The following APLP2 variants were observed in gnomAD, a reference collection of about 807,000 sequenced individuals.
APLP2 encodes the protein CDEI box-binding protein.
Under a neutral mutation model 89.9 loss-of-function variants are expected in APLP2, and 53 were observed. That is an observed-to-expected ratio of 0.59 (90% CI 0.47 to 0.74). The LOEUF (loss-of-function observed/expected upper bound fraction) is 0.74, where lower values mean the gene tolerates loss of function less well. APLP2 is among the 30% of genes least tolerant of loss of function. APLP2 has a pLI of 0.00. For synonymous variants in APLP2, 372 were observed against 348.6 expected (o/e 1.07, Z -0.75); for missense variants, 973 against 975.9 (o/e 1.00, Z 0.04).
In APLP2 at chr11:130,109,509, T is replaced by C. The variant is rs968498342; in HGVS notation, c.186T>C (p.His62=). The C allele has an allele frequency of 4.2e-5, 67 of 1,613,876 alleles. No homozygotes were observed. The highest frequency in any genetic ancestry group is 5.1e-5 in the Non-Finnish European group (60 of 1,179,922). The change falls in exon 2 of 17, where the codon CAT becomes CAC. Residue 62 remains histidine, a synonymous_variant. Coordinates refer to ENST00000338167, the MANE Select transcript of APLP2 (RefSeq NM_001142276.2). ...IAMFCGKLNM[H]VNIQTGKWEP... ...TGTTTTGTGGGAAGTTAAATATGCA[T>C]GTGAACATTCAGACTGGGAAATGGG...
intron 4 of APLP2, 67 bp downstream of exon 4, chr11:130,120,885 C>A: frequency 9.5e-7 from 1 of 1,055,946 alleles, no homozygotes; most frequent in Non-Finnish European, 1.5e-6. Flanking sequence ...CACTTTTCTC[C>A]AAATCTCACC....
At chr11:130,113,198 A>G (rs1948793671) in intron 3 of APLP2, among the ~76,000 whole-genome samples, 1 of 152,222 alleles carries the variant, frequency 6.6e-6, no homozygotes. Flanking sequence ...TGCCTAGAAT[A>G]TCGGATATAC....
At position 130,101,128 on chromosome 11, in the gene APLP2, T is replaced by C. The variant is rs73041259; in HGVS notation, c.106-8301T>C. Among the ~76,000 whole-genome samples, 472 of 142,002 alleles carry C rather than the reference T, an allele frequency of 3.3e-3. 2 individuals are homozygous for C. The highest frequency in any genetic ancestry group is 6.9e-3 in the Admixed American group (102 of 14,886). 93.2% of individuals were successfully genotyped at this position (142,002 alleles called of 152,430 possible). A position where few individuals can be genotyped will look rare whatever the true frequency, so the allele number is the denominator to read the frequency against. On this transcript the variant is annotated intron_variant, in intron 1 of 16. Coordinates refer to ENST00000338167, the MANE Select transcript of APLP2 (RefSeq NM_001142276.2). ...AATTGCAGAAAAATAGAATTTAATA[T>C]GTGTACAATGGGGCTTTACTGTATT...
intron 3 of APLP2, among the ~76,000 whole-genome samples, chr11:130,116,316 C>T (rs1482818581): frequency 6.6e-6 from 1 of 152,134 alleles, no homozygotes; most frequent in Non-Finnish European, 1.5e-5. Flanking sequence ...TAAATATACA[C>T]ATAAGCCATA....
At chr11:130,070,262 T>G (rs1187077229) in intron 1 of APLP2, among the ~76,000 whole-genome samples, 180 bp downstream of exon 1, 1 of 150,830 alleles carries the variant, frequency 6.6e-6, no homozygotes, top group East Asian at 2.0e-4. Context: ...TGCTTAGCGC[T>G]GGAGGTCGGG....
intron 1 of APLP2, among the ~76,000 whole-genome samples, chr11:130,107,393 C>A (rs1304122850): frequency 6.6e-6 from 1 of 151,866 alleles, no homozygotes; most frequent in Non-Finnish European, 1.5e-5. Context: ...AATCAATGTG[C>A]AAAAATCACA....
chr11:130,135,662 A>C lies in APLP2; in HGVS notation c.1784A>C (p.Glu595Ala), dbSNP rs894995523. The C allele has an allele frequency of 6.2e-7, 1 of 1,614,174 alleles. No homozygotes were observed. The highest frequency in any genetic ancestry group is 1.1e-5 in the South Asian group (1 of 91,082). Residue 595 changes from glutamate to alanine, a missense_variant, in exon 13 of 17, where the codon GAG becomes GCG. Physicochemically the swap from Glu to Ala is moderately radical, Grantham distance 107. Transcript: ENST00000338167. ...CGGGTGAGCTCTGAGGAGAGTGAGG[A>C]GATCCCACCGTTCCACCCCTTCCAC... Reference protein sequence around the residue: ...DVRVSSEESEEIPPFHPFHPF... With the variant: ...DVRVSSEESEAIPPFHPFHPF...
In APLP2 at chr11:130,121,743, G is replaced by C; in HGVS notation, c.646G>C (p.Glu216Gln). 6.2e-7 allele frequency: 1 copy of C among 1,610,488 alleles called. No homozygotes were observed. The highest frequency in any genetic ancestry group is 8.5e-7 in the Non-Finnish European group (1 of 1,179,132). Residue 216 changes from glutamate to glutamine, a missense_variant, in exon 5 of 17, where the codon GAG (glutamate) becomes CAG (glutamine). Coordinates refer to ENST00000338167, the MANE Select transcript of APLP2 (RefSeq NM_001142276.2). ...GATTATTGGATCTGTGTCAAAAGAAGAGGAAGAGGAAGATGAAGAGGAAGA... is the reference window on the plus strand; with the variant it reads ...GATTATTGGATCTGTGTCAAAAGAACAGGAAGAGGAAGATGAAGAGGAAGA... Reference protein sequence around the residue: ...TKIIGSVSKEEEEEDEEEEEE... With the variant: ...TKIIGSVSKEQEEEDEEEEEE...
At chr11:130,114,069 G>GT (rs1373705337) in intron 3 of APLP2, among the ~76,000 whole-genome samples, 1 of 152,024 alleles carries the variant, frequency 6.6e-6, no homozygotes, top group African/African-American at 2.4e-5. Context: ...ACGTAACCGT[G>GT]GTATAATCAT....
chr11:130,138,581 GTTTTTTTTTT>G (rs34805457), intron 13 of APLP2, among the ~76,000 whole-genome samples: 1 of 91,390 alleles, frequency 1.1e-5, no homozygotes, highest in African/African-American at 5.2e-5. Flanking sequence ...CTGGTGGTAG[GTTTTTTTTTT>G]TTTTTTTTTT....
intron 1 of APLP2, among the ~76,000 whole-genome samples, chr11:130,101,698 A>G (rs1946952268): frequency 6.6e-6 from 1 of 152,222 alleles, no homozygotes; most frequent in Non-Finnish European, 1.5e-5. Context: ...AGTTGCAAAA[A>G]TACTACAAGA....
At chr11:130,092,037 C>G (rs1156826963) in intron 1 of APLP2, among the ~76,000 whole-genome samples, 1 of 129,800 alleles carries the variant, frequency 7.7e-6, no homozygotes, top group Non-Finnish European at 1.6e-5. Context: ...TCCTCACCTC[C>G]CAGACGGGGT....
At chr11:130,121,559 T>G in intron 4 of APLP2, 55 bp from the exon 5 acceptor site, 1 of 1,529,040 alleles carries the variant, frequency 6.5e-7, no homozygotes, top group South Asian at 1.3e-5. Flanking sequence ...TCGGAGTGTA[T>G]TTGACCACGT....
Position 130,133,718 on chromosome 11 carries a change from A to G in APLP2, c.1674A>G (p.Gln558=). 1 of 1,613,550 alleles carries G rather than the reference A, an allele frequency of 6.2e-7. No homozygotes were observed. The highest frequency in any genetic ancestry group is 8.5e-7 in the Non-Finnish European group (1 of 1,179,440). Residue 558 remains glutamine (Q), a synonymous_variant, in exon 12 of 17, where the codon CAA becomes CAG. Coordinates refer to ENST00000338167, the MANE Select transcript of APLP2 (RefSeq NM_001142276.2). ...YKVPYVAQEI[Q]EEIDELLQEQ... is the part of the protein sequence containing the mutation. Reference sequence around the variant, plus strand: ...TACCTTATGTAGCCCAAGAAATTCAAGAGGAAATTGGTGGGTACCAGCTCT... The same window carrying G: ...TACCTTATGTAGCCCAAGAAATTCAGGAGGAAATTGGTGGGTACCAGCTCT...
rs1415967279 is a variant in APLP2 at position 130,111,397 on chromosome 11, AT to A, written c.403+740del. 2.0e-5 allele frequency among the ~76,000 whole-genome samples: 3 copies of A among 152,160 alleles called. No individual in the cohort carries two copies. The South Asian group carries it at 6.2e-4, about 32-fold the overall frequency. ...AACTTCAAAGGGCAAAAAAAAATCA[AT>A]TTTAGATTAGCCCTGATGGGATTAA... On this transcript the variant is annotated intron_variant, in intron 3 of 16. Transcript: ENST00000338167.
chr11:130,084,245 C>CAA (rs60341658), intron 1 of APLP2, among the ~76,000 whole-genome samples: 354 of 137,642 alleles, frequency 2.6e-3, no homozygotes, highest in Non-Finnish European at 4.4e-3. Context: ...GACTCCGTCT[C>CAA]AAAAAAAAAA....
chr11:130,086,058 A>T (rs1402038825), intron 1 of APLP2, among the ~76,000 whole-genome samples: 1 of 152,258 alleles, frequency 6.6e-6, no homozygotes, highest in Non-Finnish European at 1.5e-5. Context: ...ATATTTACTA[A>T]GAAGTGAAAC....
At chr11:130,096,233 A>G (rs1305546091) in intron 1 of APLP2, among the ~76,000 whole-genome samples, 2 of 152,174 alleles carry the variant, frequency 1.3e-5, no homozygotes, top group African/African-American at 2.4e-5. Flanking sequence ...TGTGACATCA[A>G]GGGTGGTGCT....
chr11:130,121,589 G>A lies in APLP2; in HGVS notation c.517-25G>A, dbSNP rs763790091. Reference sequence around the variant, plus strand: ...CCACGTTTACTCTGGAGTATGTTCTGATGTGGCCTGTGGGTTTCTTTTAGG... The same window carrying A: ...CCACGTTTACTCTGGAGTATGTTCTAATGTGGCCTGTGGGTTTCTTTTAGG... On this transcript the variant is annotated intron_variant, in intron 4 of 16. Transcript: ENST00000338167. 25 of 1,603,878 alleles carry A rather than the reference G, an allele frequency of 1.6e-5. No homozygotes were observed. In the Admixed American group the frequency reaches 4.2e-4, roughly 27 times the overall value.
Sources: gnomAD v4.1 joint callset for allele counts (sites outside exome capture counted in the v4.1 genomes callset) on GRCh38, gnomAD v4.1.1 for gene constraint, MANE v1.5 for transcripts, NCBI Gene and HGNC (gene_info 2026-07-23, HGNC 2026-07-21) for gene names.